Variants in CPQ observed in about 807,000 individuals in gnomAD.
The protein encoded by CPQ is carboxypeptidase Q.
A neutral mutation model predicts 45.7 loss-of-function variants in CPQ; 37 were observed. The observed-to-expected ratio is 0.81, with a 90% confidence interval of 0.62 to 1.07. CPQ has a LOEUF of 1.07. CPQ is among the 50% of genes least tolerant of loss of function. The pLI, the probability that CPQ is intolerant of heterozygous loss-of-function variation, is 0.00. For missense variants in CPQ, 537 were observed against 572.9 expected, an observed-to-expected ratio of 0.94 and a Z score of 0.64; for synonymous variants, 186 against 205.8, an observed-to-expected ratio of 0.90 and a Z score of 0.82.
At chr8:97,111,106 TC>T (rs1238116758) in intron 7 of CPQ, among the ~76,000 whole-genome samples, 1 of 152,186 alleles carries the variant, frequency 6.6e-6, no homozygotes, top group Admixed American at 6.5e-5. Context: ...TTTTTGTCCA[TC>T]CTAACTTTCA....
In CPQ at chr8:97,103,788, G is replaced by A. The variant is rs917961665; in HGVS notation, c.1255+37578G>A. ...ACTCCTGTGGGCCACTGGGTGACCTGTGGGAAGTCACAGGCAGACAGTGTA... is the reference window on the plus strand; with the variant it reads ...ACTCCTGTGGGCCACTGGGTGACCTATGGGAAGTCACAGGCAGACAGTGTA... On this transcript the variant is annotated intron_variant, in intron 7 of 7. Coordinates refer to ENST00000220763, the MANE Select transcript of CPQ (RefSeq NM_016134.4). Among the ~76,000 whole-genome samples, 3 of 152,338 alleles carry A rather than the reference G, an allele frequency of 2.0e-5. No homozygotes were observed. The South Asian group carries it at 6.2e-4, about 32-fold the overall frequency.
At chr8:96,887,182 A>G (rs879648666) in intron 4 of CPQ, among the ~76,000 whole-genome samples, 2 of 152,224 alleles carry the variant, frequency 1.3e-5, no homozygotes, top group Non-Finnish European at 2.9e-5. Context: ...AAAAGCCAAA[A>G]TAGATGCACT....
At chr8:96,764,122 G>A (rs1810439274) in intron 1 of CPQ, among the ~76,000 whole-genome samples, 1 of 152,038 alleles carries the variant, frequency 6.6e-6, no homozygotes, top group Non-Finnish European at 1.5e-5. Context: ...CCCCAAACTG[G>A]AAGCAACCCA....
intron 1 of CPQ, among the ~76,000 whole-genome samples, chr8:96,668,652 C>G (rs1467556133): frequency 6.6e-6 from 1 of 152,058 alleles, no homozygotes; most frequent in Non-Finnish European, 1.5e-5. Context: ...GTAGTTTTTC[C>G]TATTTGTCTC....
intron 4 of CPQ, among the ~76,000 whole-genome samples, chr8:96,944,696 T>A (rs1441000626): frequency 2.0e-5 from 3 of 152,190 alleles, no homozygotes; most frequent in African/African-American, 7.2e-5. Flanking sequence ...CACATGTGGA[T>A]CTGAGTTTTA....
chr8:96,824,246 C>T (rs1233255221), intron 2 of CPQ, among the ~76,000 whole-genome samples: 1 of 152,026 alleles, frequency 6.6e-6, no homozygotes, highest in African/African-American at 2.4e-5. Context: ...CTACCAACCA[C>T]ACTATGTGAC....
At chr8:96,892,828 T>C (rs942650892) in intron 4 of CPQ, among the ~76,000 whole-genome samples, 1 of 152,180 alleles carries the variant, frequency 6.6e-6, no homozygotes, top group Non-Finnish European at 1.5e-5. Context: ...TCAAGTCATA[T>C]TAATTTGCCA....
chr8:96,881,429 G>A (rs1812222030), intron 4 of CPQ, among the ~76,000 whole-genome samples: 1 of 152,126 alleles, frequency 6.6e-6, no homozygotes, highest in Non-Finnish European at 1.5e-5. Flanking sequence ...CACAAGAACA[G>A]CACCAGGGGG....
intron 4 of CPQ, among the ~76,000 whole-genome samples, chr8:96,890,953 A>G (rs1812364686): frequency 6.6e-6 from 1 of 152,322 alleles, no homozygotes; most frequent in Admixed American, 6.5e-5. Flanking sequence ...CAGATCATAC[A>G]CAGCCTTCTG....
intron 2 of CPQ, among the ~76,000 whole-genome samples, chr8:96,816,959 C>T (rs1292372180): frequency 6.6e-6 from 1 of 152,072 alleles, no homozygotes; most frequent in Non-Finnish European, 1.5e-5. Flanking sequence ...GTAGATTTAG[C>T]ATAACTTTTA....
intron 7 of CPQ, among the ~76,000 whole-genome samples, chr8:97,138,552 T>C (rs1812101958): frequency 6.6e-6 from 1 of 152,152 alleles, no homozygotes; most frequent in Non-Finnish European, 1.5e-5. Flanking sequence ...TTCCCTAAAA[T>C]AGTTATTGGA....
chr8:97,052,663 G>A (rs570910599), intron 6 of CPQ, among the ~76,000 whole-genome samples: 2 of 152,126 alleles, frequency 1.3e-5, no homozygotes, highest in Non-Finnish European at 2.9e-5. Context: ...GCAAAATGAT[G>A]ATGACATATA....
At chr8:96,858,648 A>G (rs1586428751) in intron 3 of CPQ, among the ~76,000 whole-genome samples, 1 of 152,196 alleles carries the variant, frequency 6.6e-6, no homozygotes, top group East Asian at 1.9e-4. Flanking sequence ...TTTCCCACAT[A>G]TTGCAATCTT....
chr8:96,820,503 A>C lies in CPQ; in HGVS notation c.434-14470A>C, dbSNP rs1811286254. On this transcript the variant is annotated intron_variant, in intron 2 of 7. Transcript: ENST00000220763. The stretch of plus-strand genomic sequence containing the variant: ...CCCTTCCTGGCCTCTGATAACTACC[A>C]ATCTCTATCTTTATGAGATCTACTT... Among the ~76,000 whole-genome samples the C allele has an allele frequency of 2.0e-5, 3 of 151,956 alleles. No homozygotes were observed. In the South Asian group the frequency reaches 6.2e-4, roughly 31 times the overall value.
intron 1 of CPQ, among the ~76,000 whole-genome samples, chr8:96,727,138 T>C (rs1809853784): frequency 6.6e-6 from 1 of 152,210 alleles, no homozygotes; most frequent in South Asian, 2.1e-4. Context: ...GGGTATACAC[T>C]TAGTGACTAA....
chr8:96,662,466 C>T (rs911269076), intron 1 of CPQ, among the ~76,000 whole-genome samples: 2 of 152,092 alleles, frequency 1.3e-5, no homozygotes, highest in Non-Finnish European at 1.5e-5. Flanking sequence ...AAATGGATTC[C>T]TCAATGTTTA....
chr8:97,067,910 T>G (rs1387633647), intron 7 of CPQ, among the ~76,000 whole-genome samples: 1 of 152,206 alleles, frequency 6.6e-6, no homozygotes, highest in African/African-American at 2.4e-5. Context: ...ATTCTAGATT[T>G]TTTCTGAGCC....
At chr8:96,964,766 A>G (rs1356529386) in intron 4 of CPQ, among the ~76,000 whole-genome samples, 1 of 152,144 alleles carries the variant, frequency 6.6e-6, no homozygotes, top group African/African-American at 2.4e-5. Flanking sequence ...GTCCAGTTTA[A>G]GATATCTTTG....
At chr8:97,050,654 C>T (rs1243748508) in intron 6 of CPQ, among the ~76,000 whole-genome samples, 1 of 152,118 alleles carries the variant, frequency 6.6e-6, no homozygotes, top group East Asian at 1.9e-4. Flanking sequence ...TGCGTGAGCC[C>T]AGGGTTTGTG....
Sources: gnomAD v4.1 joint callset for allele counts (sites outside exome capture counted in the v4.1 genomes callset) on GRCh38, gnomAD v4.1.1 for gene constraint, MANE v1.5 for transcripts, NCBI Gene and HGNC (gene_info 2026-07-23, HGNC 2026-07-21) for gene names.